The following SLX4IP variants were observed in gnomAD, a reference collection of about 807,000 sequenced individuals.
SLX4IP encodes the protein SLX4 interacting protein, also known as protein SLX4IP.
A neutral mutation model predicts 32.9 loss-of-function variants in SLX4IP; 34 were observed. That is an observed-to-expected ratio of 1.03 (90% confidence interval 0.79 to 1.38). The LOEUF (loss-of-function observed/expected upper bound fraction) is 1.38, where lower values mean the gene tolerates loss of function less well. SLX4IP is among the 40% of genes most tolerant of loss of function. The pLI is 0.00. For synonymous variants in SLX4IP, 172 were observed against 171.7 expected, an observed-to-expected ratio of 1.00 and a Z score of -0.01; for missense variants, 444 against 479.0, an observed-to-expected ratio of 0.93 and a Z score of 0.68.
chr20:10,598,605 C>A, intron 4 of SLX4IP, 70 bp from the exon 5 acceptor site: 2 of 1,335,120 alleles, frequency 1.5e-6, no homozygotes, highest in Non-Finnish European at 2.2e-6. Context: ...TTATGGCAGG[C>A]ACTGGGCTGA....
Position 10,473,207 on chromosome 20 carries a change from T to C in SLX4IP, c.27+14976T>C, listed in dbSNP as rs111479010. Among the ~76,000 whole-genome samples the C allele has an allele frequency of 7.7e-3, 1,178 of 152,296 alleles. 18 individuals carry two copies. The highest frequency in any genetic ancestry group is 0.027 in the African/African-American group (1,133 of 41,560). On this transcript the variant is annotated intron_variant, in intron 2 of 7. Coordinates refer to ENST00000334534, the MANE Select transcript of SLX4IP (RefSeq NM_001009608.3). ...TACTTAGCTTGTGAACCAGGCCTGA[T>C]AGGTGAGACTGGGCATGCACTTCTA... is the stretch of plus-strand genomic sequence containing the variant.
intron 4 of SLX4IP, among the ~76,000 whole-genome samples, chr20:10,595,078 C>G (rs2066753887): frequency 6.6e-6 from 1 of 152,032 alleles, no homozygotes; most frequent in South Asian, 2.1e-4. Context: ...GGCACAAGAA[C>G]TGGAGATTTT....
chr20:10,445,932 GCTTTTTTTTTT>G (rs2065198910), intron 1 of SLX4IP, among the ~76,000 whole-genome samples: 1 of 126,238 alleles, frequency 7.9e-6, no homozygotes. Flanking sequence ...GGCTGAGATT[GCTTTTTTTTTT>G]TTTTTTTTTT....
At chr20:10,479,526 G>A (rs1245612687) in intron 2 of SLX4IP, among the ~76,000 whole-genome samples, 3 of 150,910 alleles carry the variant, frequency 2.0e-5, no homozygotes, top group African/African-American at 7.3e-5. Context: ...CTAATTTTTT[G>A]TATTTTTAGT....
chr20:10,523,175 C>T (rs2096911650), intron 2 of SLX4IP, among the ~76,000 whole-genome samples: 1 of 152,128 alleles, frequency 6.6e-6, no homozygotes, highest in South Asian at 2.1e-4. Flanking sequence ...GACTATCTCT[C>T]TGGCCAGAAG....
chr20:10,560,937 A>G, intron 4 of SLX4IP, 117 bp downstream of exon 4: 2 of 1,031,104 alleles, frequency 1.9e-6, no homozygotes, highest in South Asian at 7.8e-5. Context: ...TTTTAAAAAT[A>G]TGTCCTAATG....
intron 2 of SLX4IP, among the ~76,000 whole-genome samples, chr20:10,501,530 G>A (rs988908562): frequency 6.6e-6 from 1 of 152,232 alleles, no homozygotes; most frequent in African/African-American, 2.4e-5. Context: ...CCTTCCTTCA[G>A]AGGCGGAACT....
chr20:10,507,720 A>AT (rs2065771332), intron 2 of SLX4IP, among the ~76,000 whole-genome samples: 1 of 152,080 alleles, frequency 6.6e-6, no homozygotes, highest in Admixed American at 6.6e-5. Flanking sequence ...ATTATCTTTT[A>AT]TTTTTTGAGA....
At chr20:10,518,579 CT>C (rs909449687) in intron 2 of SLX4IP, among the ~76,000 whole-genome samples, 1 of 140,896 alleles carries the variant, frequency 7.1e-6, no homozygotes, top group African/African-American at 2.6e-5. Flanking sequence ...TTCTTTCTTT[CT>C]TTTTTTCTTT....
intron 2 of SLX4IP, among the ~76,000 whole-genome samples, chr20:10,459,222 T>C (rs2065315364): frequency 6.6e-6 from 1 of 152,054 alleles, no homozygotes; most frequent in African/African-American, 2.4e-5. Context: ...GTTTTTTTTC[T>C]TGTAAGTTTG....
intron 2 of SLX4IP, among the ~76,000 whole-genome samples, chr20:10,540,120 CTTCCTTCCTTCCTTCCTTCCTTCT>C (rs2066089031): frequency 6.8e-6 from 1 of 146,184 alleles, no homozygotes; most frequent in Non-Finnish European, 1.5e-5. Context: ...TCCTTCCTTC[CTTCCTTCCTTCCTTCCTTCCTTCT>C]TTCCTTCCTT....
intron 2 of SLX4IP, among the ~76,000 whole-genome samples, chr20:10,504,834 C>G (rs926825886): frequency 3.9e-5 from 6 of 152,074 alleles, no homozygotes; most frequent in Non-Finnish European, 8.8e-5. Context: ...CTCCATACCC[C>G]CAAAGTGAAT....
chr20:10,610,619 G>A (rs2066955127), intron 6 of SLX4IP, among the ~76,000 whole-genome samples: 1 of 152,228 alleles, frequency 6.6e-6, no homozygotes, highest in Admixed American at 6.5e-5. Flanking sequence ...CCAGGTGCTA[G>A]CCCCTGTGCC....
intron 2 of SLX4IP, among the ~76,000 whole-genome samples, chr20:10,479,909 C>T (rs969769643): frequency 6.6e-6 from 1 of 151,910 alleles, no homozygotes; most frequent in East Asian, 2.0e-4. Flanking sequence ...GAGGCTGAGG[C>T]AGGAGAATCC....
intron 4 of SLX4IP, among the ~76,000 whole-genome samples, chr20:10,571,113 G>C (rs1024879963): frequency 1.3e-5 from 2 of 152,180 alleles, no homozygotes; most frequent in Non-Finnish European, 2.9e-5. Context: ...GATTACAGAC[G>C]TGAGCCTCCA....
chr20:10,447,481 C>T (rs1350650905), intron 1 of SLX4IP, among the ~76,000 whole-genome samples: 1 of 151,904 alleles, frequency 6.6e-6, no homozygotes, highest in Admixed American at 6.6e-5. Context: ...TTCCTAGATA[C>T]TTTTTATTTG....
rs1353421533 is a variant in SLX4IP, at chr20:10,591,646, A to G, written c.239-7029A>G. 3.9e-5 allele frequency among the ~76,000 whole-genome samples: 6 copies of G among 152,230 alleles called. No individual in the cohort carries two copies. In the East Asian group the frequency reaches 1.2e-3, roughly 29 times the overall value. ...AGAACTTTGAGTTTTATAAGTACAC[A>G]GTATTATATTATTCTTATCATTATG... On this transcript the variant is annotated intron_variant, in intron 4 of 7. Transcript: ENST00000334534.
intron 1 of SLX4IP, among the ~76,000 whole-genome samples, chr20:10,437,840 T>C (rs981804191): frequency 3.3e-5 from 5 of 152,146 alleles, no homozygotes; most frequent in Non-Finnish European, 4.4e-5. Flanking sequence ...ACATGATGGG[T>C]TAGGAAATTA....
intron 2 of SLX4IP, among the ~76,000 whole-genome samples, chr20:10,482,229 C>G (rs1291861779): frequency 6.6e-6 from 1 of 152,170 alleles, no homozygotes; most frequent in Non-Finnish European, 1.5e-5. Context: ...TCCTACGGCT[C>G]TAAGTGCCTT....
Sources: gnomAD v4.1 joint callset for allele counts (sites outside exome capture counted in the v4.1 genomes callset) on GRCh38, gnomAD v4.1.1 for gene constraint, MANE v1.5 for transcripts, NCBI Gene and HGNC (gene_info 2026-07-23, HGNC 2026-07-21) for gene names.